Variants in BIRC6 observed in about 807,000 individuals in gnomAD.
BIRC6 encodes the protein baculoviral IAP repeat containing 6, also known as dual E2 ubiquitin-conjugating enzyme/E3 ubiquitin-protein ligase BIRC6.
In BIRC6, 98 loss-of-function variants were observed where a neutral mutation model predicts 503.3. That is an observed-to-expected ratio of 0.19 (90% CI 0.17 to 0.23). BIRC6 has a LOEUF of 0.23. BIRC6 is among the 10% of genes least tolerant of loss of function. The pLI is 1.00. For missense variants in BIRC6, 5,360 were observed against 5,806.0 expected (o/e 0.92, Z 2.50); for synonymous variants, 2,240 against 2,078.7 (o/e 1.08, Z -2.11).
rs376773805 is a variant in BIRC6, at chr2:32,468,646, C to T, written c.5990C>T (p.Ala1997Val). The change falls in exon 29 of 74, where the codon GCG becomes GTG. Residue 1997 changes from alanine to valine, a missense_variant. Ala to Val is a moderately conservative substitution (Grantham distance 64). Transcript: ENST00000421745. ...AATGCAGTGCAGAGGCTCAAAGTGG[C>T]GCTAGGTGCAAGCCGGAAGATGTTG... ...AHNAVQRLKV[A>V]LGASRKMLSE... 21 of 1,613,814 alleles carry T rather than the reference C, an allele frequency of 1.3e-5. No homozygotes were observed. The highest frequency in any genetic ancestry group is 1.6e-5 in the Non-Finnish European group (19 of 1,179,862).
intron 1 of BIRC6, among the ~76,000 whole-genome samples, chr2:32,371,169 C>T (rs1425543153): frequency 2.3e-5 from 3 of 132,772 alleles, no homozygotes; most frequent in Admixed American, 8.4e-5. Flanking sequence ...GTTGAGATTG[C>T]GCCATTGCAC....
At chr2:32,414,292 G>A (rs925732255) in intron 9 of BIRC6, among the ~76,000 whole-genome samples, 1 of 152,122 alleles carries the variant, frequency 6.6e-6, no homozygotes, top group African/African-American at 2.4e-5. Flanking sequence ...AAATAAATAA[G>A]TAAATAAAAA....
intron 23 of BIRC6, 125 bp from the exon 24 acceptor site, chr2:32,463,069 A>C (rs2048176617): frequency 1.5e-6 from 1 of 682,028 alleles, no homozygotes; most frequent in Non-Finnish European, 2.3e-6. Flanking sequence ...TTTCTTTTTT[A>C]GAATGAAAAT....
intron 65 of BIRC6, among the ~76,000 whole-genome samples, chr2:32,560,724 G>A (rs1000344160): frequency 6.6e-5 from 10 of 152,096 alleles, no homozygotes; most frequent in African/African-American, 1.9e-4. Flanking sequence ...CTGCCACCAT[G>A]CCCAGCTAAG....
chr2:32,525,103 T>TA (rs2056142878), intron 58 of BIRC6, 84 bp downstream of exon 58: 2 of 1,140,234 alleles, frequency 1.8e-6, no homozygotes, highest in Non-Finnish European at 1.2e-6. Context: ...ATTTATGTAA[T>TA]ACATTGTACT....
At chr2:32,386,358 C>T (rs548343208) in intron 3 of BIRC6, among the ~76,000 whole-genome samples, 14 of 152,090 alleles carry the variant, frequency 9.2e-5, no homozygotes, top group Non-Finnish European at 2.1e-4. Flanking sequence ...TTACCATCCA[C>T]AGTCATTCTT....
chr2:32,405,257 T>C (rs1477994928), intron 8 of BIRC6, among the ~76,000 whole-genome samples: 1 of 152,240 alleles, frequency 6.6e-6, no homozygotes, highest in African/African-American at 2.4e-5. Flanking sequence ...TCTGTTTCTC[T>C]GAAACCAGCC....
chr2:32,401,018 CTG>C (rs1162375682), intron 6 of BIRC6, 143 bp from the exon 7 acceptor site: 10 of 673,836 alleles, frequency 1.5e-5, no homozygotes, highest in African/African-American at 1.1e-4. Context: ...CTTCATAAAA[CTG>C]AATGATTTGG....
intron 50 of BIRC6, among the ~76,000 whole-genome samples, chr2:32,505,558 G>T (rs978364851): frequency 2.6e-5 from 4 of 152,192 alleles, no homozygotes; most frequent in Middle Eastern, 3.4e-3. Flanking sequence ...CTCAGTCCTA[G>T]CCTTGTAATG....
chr2:32,436,581 T>C (rs1419004908), intron 15 of BIRC6, among the ~76,000 whole-genome samples: 1 of 152,148 alleles, frequency 6.6e-6, no homozygotes, highest in East Asian at 1.9e-4. Flanking sequence ...GTATTTTGTT[T>C]GTTTGTTTTT....
intron 26 of BIRC6, 59 bp downstream of exon 26, chr2:32,465,223 TTAAAGACTCATTATTC>T: frequency 1.2e-6 from 1 of 808,778 alleles, no homozygotes; most frequent in Non-Finnish European, 1.8e-6. Context: ...TGCCGGCCTT[TTAAAGACTCATTATTC>T]TTCAGTTCGA....
At chr2:32,598,574 G>A (rs565666455) in intron 69 of BIRC6, among the ~76,000 whole-genome samples, 2 of 152,114 alleles carry the variant, frequency 1.3e-5, no homozygotes, top group East Asian at 3.9e-4. Context: ...TAAATTCCAA[G>A]AGTCTGCTGC....
At chr2:32,473,814 A>T (rs2049401626) in intron 33 of BIRC6, among the ~76,000 whole-genome samples, 1 of 144,478 alleles carries the variant, frequency 6.9e-6, no homozygotes, top group Non-Finnish European at 1.5e-5. Context: ...GTGCAGTGGA[A>T]CAATCATAGT....
At chr2:32,424,974 T>C (rs1203277035) in intron 10 of BIRC6, among the ~76,000 whole-genome samples, 1 of 152,192 alleles carries the variant, frequency 6.6e-6, no homozygotes, top group African/African-American at 2.4e-5. Context: ...TGGTATCTGT[T>C]GTGGTTTTGG....
In BIRC6 at chr2:32,553,197, C is replaced by CAAAAAAAAAAAAAAAA. The variant is rs763552918; in HGVS notation, c.13144+3738_13144+3753dup. Among the ~76,000 whole-genome samples the CAAAAAAAAAAAAAAAA allele has an allele frequency of 8.0e-4, 28 of 34,950 alleles. 5 individuals carry two copies. The highest frequency in any genetic ancestry group is 2.6e-3 in the East Asian group (1 of 384). The allele number at this position is 34,950 out of a possible 152,430, so 22.9% of individuals were successfully genotyped here. On this transcript the variant is annotated intron_variant, in intron 65 of 73. Coordinates refer to ENST00000421745, the MANE Select transcript of BIRC6 (RefSeq NM_016252.4). ...GGGTGACAAGAGTGAAACTCTGTCT[C>CAAAAAAAAAAAAAAAA]AAAAAAAAAAAAAAAAAAAAAAAAA...
intron 32 of BIRC6, 90 bp downstream of exon 32, chr2:32,471,214 A>G (rs1198910207): frequency 1.3e-6 from 2 of 1,499,790 alleles, no homozygotes; most frequent in Non-Finnish European, 1.8e-6. Context: ...TTGTTCCAGA[A>G]CTGGCTATTG....
intron 70 of BIRC6, chr2:32,602,356 TCTCA>T (rs1256700558): frequency 9.2e-5 from 14 of 152,218 alleles, no homozygotes; most frequent in African/African-American, 3.4e-4. Context: ...TATTGCATGT[TCTCA>T]CTCACGTAGA....
intron 49 of BIRC6, among the ~76,000 whole-genome samples, chr2:32,504,619 A>G (rs563533805): frequency 6.6e-6 from 1 of 152,222 alleles, no homozygotes; most frequent in African/African-American, 2.4e-5. Context: ...GTGAGCTGAG[A>G]TCTCACCACT....
chr2:32,477,170 CT>C (rs1327507281), intron 34 of BIRC6, among the ~76,000 whole-genome samples, 197 bp from the exon 35 acceptor site: 6 of 152,154 alleles, frequency 3.9e-5, no homozygotes, highest in African/African-American at 1.4e-4. Context: ...ATATCTGATA[CT>C]TTACTCCAAA....
Sources: allele counts gnomAD v4.1 joint callset (sites outside exome capture counted in the v4.1 genomes callset), GRCh38; gene constraint gnomAD v4.1.1; transcripts MANE v1.5; gene names NCBI Gene and HGNC (gene_info 2026-07-23, HGNC 2026-07-21).